LRRIQ1: variants seen among roughly 807,000 people sequenced by gnomAD.
LRRIQ1 encodes leucine rich repeats and IQ motif containing 1, also known as leucine-rich repeat- and IQ domain-containing protein 1.
Under a neutral mutation model 211.9 loss-of-function variants are expected in LRRIQ1, and 210 were observed. That is an observed-to-expected ratio of 0.99 (90% CI 0.89 to 1.11). The LOEUF is 1.11. LRRIQ1 is among the 50% of genes most tolerant of loss of function. LRRIQ1 has a pLI of 0.00. For missense variants in LRRIQ1, 2,136 were observed against 1,939.5 expected, an observed-to-expected ratio of 1.10 and a Z score of -1.90; for synonymous variants, 699 against 650.1, an observed-to-expected ratio of 1.08 and a Z score of -1.14.
Position 85,098,342 on chromosome 12 carries a change from T to A in LRRIQ1, c.2888-13T>A, listed in dbSNP as rs762740827. The stretch of plus-strand genomic sequence containing the variant: ...TGTATGACACAGGTGATCTTATAAC[T>A]TTTTTCTTCTAGGTGGTTTAGAATC... On this transcript the variant is annotated splice_polypyrimidine_tract_variant and intron_variant, in intron 11 of 26. Transcript: ENST00000393217. 6 of 1,570,626 alleles carry A rather than the reference T, an allele frequency of 3.8e-6. No homozygotes were observed.
chr12:85,191,238 A>C (rs1354094330), intron 24 of LRRIQ1, among the ~76,000 whole-genome samples: 1 of 151,882 alleles, frequency 6.6e-6, no homozygotes, highest in Non-Finnish European at 1.5e-5. Flanking sequence ...GATTTTGACA[A>C]ATGTTTGATG....
At chr12:85,220,444 G>T (rs913103379) in intron 24 of LRRIQ1, among the ~76,000 whole-genome samples, 1 of 151,718 alleles carries the variant, frequency 6.6e-6, no homozygotes, top group Non-Finnish European at 1.5e-5. Flanking sequence ...GAACACTTTT[G>T]TTGTGCTTTT....
intron 24 of LRRIQ1, among the ~76,000 whole-genome samples, chr12:85,207,470 G>C (rs372252701): frequency 6.6e-6 from 1 of 152,106 alleles, no homozygotes; most frequent in African/African-American, 2.4e-5. Context: ...CTCCCAGTCT[G>C]TGTCTTGTCT....
intron 19 of LRRIQ1, among the ~76,000 whole-genome samples, chr12:85,149,124 T>G (rs1310323890): frequency 1.3e-5 from 2 of 152,074 alleles, no homozygotes; most frequent in East Asian, 3.9e-4. Flanking sequence ...GATGATAGTT[T>G]CTTTTGCTGA....
chr12:85,143,941 G>A (rs1448213659), intron 19 of LRRIQ1, among the ~76,000 whole-genome samples: 2 of 151,476 alleles, frequency 1.3e-5, no homozygotes, highest in Non-Finnish European at 3.0e-5. Context: ...TAGTTTCAGG[G>A]GTACATGTGC....
chr12:85,104,589 T>C (rs1886638228), intron 14 of LRRIQ1, among the ~76,000 whole-genome samples: 1 of 151,974 alleles, frequency 6.6e-6, no homozygotes, highest in South Asian at 2.1e-4. Flanking sequence ...CTTTGTGTGA[T>C]ATTAGCATCT....
chr12:85,269,403 C>T (rs1421350499), downstream of LRRIQ1, among the ~76,000 whole-genome samples: 10 of 151,800 alleles, frequency 6.6e-5, no homozygotes, highest in South Asian at 2.1e-4. Context: ...AAATATGAAG[C>T]GATAACAATC....
At chr12:85,162,854 G>C in intron 24 of LRRIQ1, 1 of 451,580 alleles carries the variant, frequency 2.2e-6, no homozygotes, top group South Asian at 1.6e-5. Context: ...GTATTTACCA[G>C]ATTTTCTAAT....
In LRRIQ1 at chr12:85,102,951, A is replaced by ATATATATATATATATAT. The variant is rs1565834052; in HGVS notation, c.3210-1053_3210-1052insTATATATATATATATAT. On this transcript the variant is annotated intron_variant, in intron 13 of 26. Transcript: ENST00000393217. ...AGGCTTTTCTAATTGTGGCAAAAAA[A>ATATATATATATATATAT]AAAAAAAAATATATATATATATATA... 8.2e-4 allele frequency among the ~76,000 whole-genome samples: 96 copies of ATATATATATATATATAT among 116,766 alleles called. 3 individuals are homozygous for ATATATATATATATATAT. In the East Asian group the frequency reaches 9.3e-3, roughly 11 times the overall value. 76.6% of individuals were successfully genotyped at this position (116,766 alleles called of 152,430 possible). A position where few individuals can be genotyped will look rare whatever the true frequency, so the allele number is the denominator to read the frequency against.
At chr12:85,219,332 A>C (rs1377656179) in intron 24 of LRRIQ1, among the ~76,000 whole-genome samples, 1 of 152,160 alleles carries the variant, frequency 6.6e-6, no homozygotes, top group Non-Finnish European at 1.5e-5. Context: ...GTTAATAAGC[A>C]CAACTATAGT....
intron 6 of LRRIQ1, among the ~76,000 whole-genome samples, chr12:85,049,940 T>C (rs368371523): frequency 3.1e-4 from 47 of 152,334 alleles, no homozygotes; most frequent in African/African-American, 1.1e-3. Context: ...TCTTTGGCAA[T>C]TACTCATTGA....
chr12:85,171,484 C>T (rs1006379276), intron 24 of LRRIQ1, among the ~76,000 whole-genome samples: 3 of 151,998 alleles, frequency 2.0e-5, no homozygotes, highest in Admixed American at 6.6e-5. Context: ...AAATCGAAGA[C>T]AAAGACAGAA....
intron 24 of LRRIQ1, among the ~76,000 whole-genome samples, chr12:85,193,247 T>C (rs1892700378): frequency 7.9e-6 from 1 of 126,956 alleles, no homozygotes; most frequent in Non-Finnish European, 1.6e-5. Context: ...GAAAACACTC[T>C]GCAGGATATT....
intron 24 of LRRIQ1, among the ~76,000 whole-genome samples, chr12:85,166,798 T>C (rs1402407845): frequency 2.0e-5 from 3 of 152,222 alleles, no homozygotes; most frequent in Non-Finnish European, 4.4e-5. Flanking sequence ...CAATAATTAG[T>C]CAAAATTATC....
intron 24 of LRRIQ1, among the ~76,000 whole-genome samples, chr12:85,192,965 AATT>A (rs1283954459): frequency 0.36 from 23,069 of 63,382 alleles, 5,272 homozygotes; most frequent in African/African-American, 0.46. Flanking sequence ...TATATAATAT[AATT>A]ATATATAAAT....
chr12:85,185,998 TTAA>T (rs926626903), intron 24 of LRRIQ1, among the ~76,000 whole-genome samples: 4 of 152,076 alleles, frequency 2.6e-5, no homozygotes, highest in African/African-American at 9.6e-5. Flanking sequence ...TACTTTATAC[TTAA>T]TATTATGAAG....
intron 3 of LRRIQ1, among the ~76,000 whole-genome samples, chr12:85,042,498 A>G (rs1386775806): frequency 5.6e-4 from 83 of 148,532 alleles, no homozygotes; most frequent in Non-Finnish European, 3.3e-4. Context: ...TCATAAGTTT[A>G]TTATTCATTA....
At chr12:85,175,346 T>C (rs1247629322) in intron 24 of LRRIQ1, among the ~76,000 whole-genome samples, 1 of 152,160 alleles carries the variant, frequency 6.6e-6, no homozygotes, top group Non-Finnish European at 1.5e-5. Context: ...TGAGCAGTCC[T>C]TCTGAGCAGG....
chr12:85,105,632 GAT>G (rs1886720925), intron 14 of LRRIQ1, among the ~76,000 whole-genome samples: 1 of 151,966 alleles, frequency 6.6e-6, no homozygotes, highest in South Asian at 2.1e-4. Context: ...GAACATTGTA[GAT>G]AGTTCAGTAA....
Sources: gnomAD v4.1 joint callset for allele counts (sites outside exome capture counted in the v4.1 genomes callset) on GRCh38, gnomAD v4.1.1 for gene constraint, MANE v1.5 for transcripts, NCBI Gene and HGNC (gene_info 2026-07-23, HGNC 2026-07-21) for gene names.